SLC1A7: variants seen among roughly 807,000 people sequenced by gnomAD.
The protein encoded by SLC1A7 is solute carrier family 1 member 7, also known as excitatory amino acid transporter 5.
In SLC1A7, 40 loss-of-function variants were observed where a neutral mutation model predicts 47.7. The ratio of observed to expected loss-of-function variants is 0.84; its 90% CI spans 0.65 to 1.09. The LOEUF (loss-of-function observed/expected upper bound fraction) is 1.09. Among genes scored for constraint, SLC1A7 ranks in the 50% least tolerant of loss-of-function variants. The pLI is 0.00. For synonymous variants in SLC1A7, 323 were observed against 325.6 expected (o/e 0.99, Z 0.09); for missense variants, 746 against 769.5 (o/e 0.97, Z 0.36).
Position 53,118,664 on chromosome 1 carries a change from A to G in SLC1A7, c.216-3691T>C, listed in dbSNP as rs556549232. 1.1e-3 allele frequency: 167 copies of G among 152,372 alleles called. 2 individuals are homozygous for G. The highest frequency in any genetic ancestry group is 3.9e-3 in the African/African-American group (162 of 41,590). The allele number at this position is 152,372 out of a possible 1,614,324, so 9.4% of individuals were successfully genotyped here. Reference sequence around the variant, plus strand: ...TTAAGTTTAATACTTTATTTAACCTAGTTTATCCCAAATATTATCATTTCA... The same window carrying G: ...TTAAGTTTAATACTTTATTTAACCTGGTTTATCCCAAATATTATCATTTCA... On this transcript the variant is annotated intron_variant, in intron 2 of 10. Transcript: ENST00000371494.
intron 2 of SLC1A7, among the ~76,000 whole-genome samples, chr1:53,125,833 G>T (rs1028453128): frequency 6.6e-6 from 1 of 152,200 alleles, no homozygotes; most frequent in African/African-American, 2.4e-5. Context: ...AGGACCCCAT[G>T]TTCCAGCTCT....
At chr1:53,141,046 A>G (rs552264462) in intron 1 of SLC1A7, among the ~76,000 whole-genome samples, 2 of 152,320 alleles carry the variant, frequency 1.3e-5, no homozygotes, top group South Asian at 2.1e-4. Flanking sequence ...CCAGGAGCCC[A>G]TTGACAAAGC....
At chr1:53,108,724 C>T (rs1425568363) in intron 3 of SLC1A7, 4 of 710,584 alleles carry the variant, frequency 5.6e-6, no homozygotes, top group Non-Finnish European at 1.0e-5. Context: ...TGGCACGGCA[C>T]ACAGGAGGGC....
intron 3 of SLC1A7, among the ~76,000 whole-genome samples, chr1:53,112,493 T>C (rs1170368758): frequency 6.6e-6 from 1 of 152,248 alleles, no homozygotes; most frequent in Admixed American, 6.5e-5. Flanking sequence ...AACTAGCTGA[T>C]ACAGGGAACG....
At chr1:53,135,245 C>T (rs12406773) in intron 1 of SLC1A7, among the ~76,000 whole-genome samples, 37,484 of 152,098 alleles carry the variant, frequency 0.25, 4,974 homozygotes, top group Middle Eastern at 0.47. Flanking sequence ...TCATTCAACC[C>T]GCATCGTGCC....
At position 53,103,531 on chromosome 1, in the gene SLC1A7, T is replaced by G; in HGVS notation, c.512A>C (p.Lys171Thr). ...AGGAGGGGCCTCCTCTGGTGCCACC[T>G]TGGGGGACTTGACAACTGGGGTGGT... Reference protein sequence around the residue: ...TKTTPVVKSPKVAPEEAPPRR... With the variant: ...TKTTPVVKSPTVAPEEAPPRR... Residue 171 changes from lysine (K) to threonine (T), a missense_variant, in exon 5 of 11, where the codon AAG becomes ACG. Lys to Thr is a moderately conservative substitution (Grantham distance 78). Transcript: ENST00000371494. The G allele has an allele frequency of 6.2e-7, 1 of 1,608,662 alleles. No individual in the cohort carries two copies. The highest frequency in any genetic ancestry group is 8.5e-7 in the Non-Finnish European group (1 of 1,177,084).
intron 5 of SLC1A7, among the ~76,000 whole-genome samples, chr1:53,095,214 A>G (rs1023067187): frequency 6.6e-6 from 1 of 151,600 alleles, no homozygotes; most frequent in African/African-American, 2.4e-5. Context: ...GCAGGTGCAC[A>G]TAGACACAGG....
In SLC1A7 at chr1:53,089,886, G is replaced by A. The variant is rs750036026; in HGVS notation, c.1275C>T (p.Ala425=). 8 of 1,613,710 alleles carry A rather than the reference G, an allele frequency of 5.0e-6. No individual in the cohort carries two copies. In the African/African-American group the frequency reaches 5.3e-5, roughly 11 times the overall value. Residue 425 remains alanine (A), a synonymous_variant, in exon 9 of 11, where the codon GCC becomes GCT. Coordinates refer to ENST00000371494, the MANE Select transcript of SLC1A7 (RefSeq NM_006671.6). Reference sequence around the variant, plus strand: ...GCACGATGACCATGGTGACGAGGCCGGCCTGGGGGATGCCAGCTGCCCCAA... The same window carrying A: ...GCACGATGACCATGGTGACGAGGCCAGCCTGGGGGATGCCAGCTGCCCCAA... ...ASIGAAGIPQ[A]GLVTMVIVLT... is the part of the protein sequence containing the mutation.
intron 4 of SLC1A7, 108 bp from the exon 5 acceptor site, chr1:53,103,676 C>T: frequency 1.6e-6 from 1 of 642,942 alleles, no homozygotes; most frequent in Non-Finnish European, 2.6e-6. Flanking sequence ...CATTCCTATC[C>T]TATTTGATTG....
At chr1:53,116,720 A>G (rs1166715325) in intron 2 of SLC1A7, among the ~76,000 whole-genome samples, 1 of 152,130 alleles carries the variant, frequency 6.6e-6, no homozygotes, top group East Asian at 1.9e-4. Flanking sequence ...GCCTCAGGCC[A>G]CAGGGAAGCC....
intron 5 of SLC1A7, among the ~76,000 whole-genome samples, chr1:53,100,733 T>G (rs1644565623): frequency 5.3e-5 from 8 of 149,828 alleles, no homozygotes; most frequent in Admixed American, 4.0e-4. Flanking sequence ...CTCGGTACAC[T>G]CACACACATT....
intron 1 of SLC1A7, among the ~76,000 whole-genome samples, chr1:53,139,998 A>G (rs865774136): frequency 7.9e-5 from 12 of 152,346 alleles, no homozygotes; most frequent in South Asian, 2.1e-4. Context: ...TTTCACAAAT[A>G]GAACATTCTA....
At chr1:53,127,510 G>A (rs550934253) in intron 2 of SLC1A7, among the ~76,000 whole-genome samples, 1 of 152,312 alleles carries the variant, frequency 6.6e-6, no homozygotes, top group South Asian at 2.1e-4. Flanking sequence ...GAGAGAAGGA[G>A]GTGGACAGGC....
At chr1:53,130,105 A>G (rs1404626134) in intron 2 of SLC1A7, among the ~76,000 whole-genome samples, 3 of 152,198 alleles carry the variant, frequency 2.0e-5, no homozygotes, top group African/African-American at 7.2e-5. Flanking sequence ...TGAGCTAACG[A>G]CACTCAGCTC....
intron 7 of SLC1A7, 96 bp from the exon 8 acceptor site, chr1:53,090,902 C>T: frequency 6.5e-7 from 1 of 1,548,976 alleles, no homozygotes; most frequent in Middle Eastern, 1.7e-4. Flanking sequence ...AGCCACCCCG[C>T]CAGGAGTGTT....
At chr1:53,132,803 GC>G (rs1359331897) in intron 2 of SLC1A7, among the ~76,000 whole-genome samples, 4 of 152,188 alleles carry the variant, frequency 2.6e-5, no homozygotes, top group Non-Finnish European at 4.4e-5. Context: ...CTGAGATTGT[GC>G]CACTGCACTC....
At chr1:53,125,775 T>G (rs886097356) in intron 2 of SLC1A7, among the ~76,000 whole-genome samples, 3 of 152,148 alleles carry the variant, frequency 2.0e-5, no homozygotes, top group Admixed American at 2.0e-4. Flanking sequence ...GGACCTGCGT[T>G]CCACAGGGCC....
chr1:53,093,776 C>T (rs1012180666), intron 5 of SLC1A7, among the ~76,000 whole-genome samples: 2 of 151,584 alleles, frequency 1.3e-5, no homozygotes, highest in Non-Finnish European at 2.9e-5. Flanking sequence ...CAGCCAATGT[C>T]ACCTCCTCAG....
Position 53,090,658 on chromosome 1 carries a change from G to A in SLC1A7, c.1180C>T (p.Gln394Ter). Residue 394 changes from glutamine to a stop codon, truncating the protein, a stop_gained, in exon 8 of 11, where the codon CAG becomes TAG. Coordinates refer to ENST00000371494, the MANE Select transcript of SLC1A7 (RefSeq NM_006671.6). LOFTEE classifies it high-confidence loss of function. ...YEAVAAIFIA[Q>*]VNNYELDFGQ... is the part of the protein sequence containing the mutation. ...AAGTCCAGCTCGTAGTTGTTGACCTGGGCGATGAAGATGGCGGCCACAGCC... is the reference window on the plus strand; with the variant it reads ...AAGTCCAGCTCGTAGTTGTTGACCTAGGCGATGAAGATGGCGGCCACAGCC... 6 of 1,611,352 alleles carry A rather than the reference G, an allele frequency of 3.7e-6. No homozygotes were observed. The highest frequency in any genetic ancestry group is 5.1e-6 in the Non-Finnish European group (6 of 1,178,144).
Sources: allele counts gnomAD v4.1 joint callset (sites outside exome capture counted in the v4.1 genomes callset), GRCh38; gene constraint gnomAD v4.1.1; transcripts MANE v1.5; gene names NCBI Gene and HGNC (gene_info 2026-07-23, HGNC 2026-07-21).